The following PHF2 variants were observed in gnomAD, a reference collection of about 807,000 sequenced individuals.
PHF2 encodes PHD finger protein 2, also known as lysine-specific demethylase PHF2.
In PHF2, 27 loss-of-function variants were observed where a neutral mutation model predicts 120.5. The observed-to-expected ratio is 0.22, with a 90% CI of 0.17 to 0.31. The LOEUF (loss-of-function observed/expected upper bound fraction) is 0.31, where lower values mean the gene tolerates loss of function less well. Ranked by LOEUF, PHF2 falls within the 10% of genes least tolerant of loss-of-function variation. The probability of loss-of-function intolerance (pLI) is 1.00; values close to 1 mark genes in which losing one functional copy is unlikely to be tolerated. For synonymous variants in PHF2, 568 were observed against 592.5 expected (o/e 0.96, Z 0.60); for missense variants, 1,024 against 1,434.8 (o/e 0.71, Z 4.63).
Position 93,591,446 on chromosome 9 carries a change from G to A in PHF2, c.98+14575G>A, listed in dbSNP as rs1201587882. Among the ~76,000 whole-genome samples, 3 of 152,204 alleles carry A rather than the reference G, an allele frequency of 2.0e-5. No homozygotes were observed. In the East Asian group the frequency reaches 5.8e-4, roughly 29 times the overall value. ...CCTTGCTGCACGGGCACCTGCCTCTGCATACCATGTGAGTAGGACGTGTGG... is the reference window on the plus strand; with the variant it reads ...CCTTGCTGCACGGGCACCTGCCTCTACATACCATGTGAGTAGGACGTGTGG... On this transcript the variant is annotated intron_variant, in intron 1 of 21. Transcript: ENST00000359246.
intron 2 of PHF2, among the ~76,000 whole-genome samples, chr9:93,635,562 C>A (rs1231151781): frequency 6.6e-6 from 1 of 152,220 alleles, no homozygotes; most frequent in Non-Finnish European, 1.5e-5. Flanking sequence ...GAATACAAGG[C>A]TGGGAGCTAG....
Position 93,656,301 on chromosome 9 carries a change from T to C in PHF2, c.1041-188T>C, listed in dbSNP as rs1826458742. On this transcript the variant is annotated intron_variant, in intron 8 of 21. Transcript: ENST00000359246. The surrounding 1 kb of genome is among the most constrained non-coding windows in gnomAD (Gnocchi z 4.1). Reference sequence around the variant, plus strand: ...CTTAAAAGGCTGCTGCCTTCTCTTCTTGGGCACTGACAGAACTCTCATGGG... The same window carrying C: ...CTTAAAAGGCTGCTGCCTTCTCTTCCTGGGCACTGACAGAACTCTCATGGG... Among the ~76,000 whole-genome samples, 1 of 152,122 alleles carries C rather than the reference T, an allele frequency of 6.6e-6. No individual in the cohort carries two copies. The highest frequency in any genetic ancestry group is 1.5e-5 in the Non-Finnish European group (1 of 68,026).
At chr9:93,621,029 T>G (rs1050573929) in intron 1 of PHF2, among the ~76,000 whole-genome samples, 1 of 152,262 alleles carries the variant, frequency 6.6e-6, no homozygotes, top group Non-Finnish European at 1.5e-5. Flanking sequence ...AGAGCCAGGC[T>G]GAATGCCCTG....
chr9:93,588,876 G>A (rs976079753), intron 1 of PHF2, among the ~76,000 whole-genome samples: 1 of 152,208 alleles, frequency 6.6e-6, no homozygotes, highest in Non-Finnish European at 1.5e-5. Context: ...GGGCAACAGA[G>A]TGAGACTCTG....
In PHF2 at chr9:93,665,880, G is replaced by C; in HGVS notation, c.2116+16G>C. The stretch of plus-strand genomic sequence containing the variant: ...GACTTGTCCTGTGAGTTGGGAGGGG[G>C]TGTTGGGGGAGGGGTGTGGGAGAGG... On this transcript the variant is annotated intron_variant, in intron 15 of 21. Coordinates refer to ENST00000359246, the MANE Select transcript of PHF2 (RefSeq NM_005392.4). The C allele has an allele frequency of 1.9e-6, 3 of 1,611,450 alleles. No individual in the cohort carries two copies. The highest frequency in any genetic ancestry group is 2.5e-6 in the Non-Finnish European group (3 of 1,178,550).
chr9:93,667,234 C>G lies in PHF2; in HGVS notation c.2342C>G (p.Pro781Arg). The G allele has an allele frequency of 1.2e-6, 2 of 1,609,544 alleles. No individual in the cohort carries two copies. The highest frequency in any genetic ancestry group is 1.7e-6 in the Non-Finnish European group (2 of 1,178,562). The change falls in exon 17 of 22, where the codon CCC becomes CGC. Residue 781 changes from proline to arginine, a missense_variant. Transcript: ENST00000359246. Reference protein sequence around the residue: ...SEEVGALEYNPSSQPPASPST... With the variant: ...SEEVGALEYNRSSQPPASPST... ...GAGGTTGGCGCGCTGGAGTACAACCCCAGCAGGTGGGCCCCACCACCCGGC... is the reference window on the plus strand; with the variant it reads ...GAGGTTGGCGCGCTGGAGTACAACCGCAGCAGGTGGGCCCCACCACCCGGC...
Position 93,675,726 on chromosome 9 carries a change from G to C in PHF2, c.2769G>C (p.Glu923Asp). 2.5e-6 allele frequency: 4 copies of C among 1,613,310 alleles called. No homozygotes were observed. The highest frequency in any genetic ancestry group is 2.5e-6 in the Non-Finnish European group (3 of 1,179,928). Residue 923 changes from glutamate to aspartate, a missense_variant, in exon 20 of 22, where the codon GAG becomes GAC. By Grantham distance (45) the Glu-to-Asp change is conservative. Around this residue, in one of 2 missense-constraint regions of PHF2, gnomAD observed 677 missense variants for 857.4 expected, o/e 0.79. Coordinates refer to ENST00000359246, the MANE Select transcript of PHF2 (RefSeq NM_005392.4). ...SVPRQDRPVR[E>D]GTRVASIETG... Reference sequence around the variant, plus strand: ...CAAGACAGGACAGGCCTGTGCGTGAGGGTACACGGGTGGCTTCCATCGAGA... The same window carrying C: ...CAAGACAGGACAGGCCTGTGCGTGACGGTACACGGGTGGCTTCCATCGAGA...
intron 1 of PHF2, among the ~76,000 whole-genome samples, chr9:93,582,076 C>T (rs1334928208): frequency 6.6e-5 from 10 of 152,162 alleles, no homozygotes; most frequent in Admixed American, 3.3e-4. Flanking sequence ...TTGGTTCCCA[C>T]GTCGACTGCG....
At position 93,679,291 on chromosome 9, in the gene PHF2, G is replaced by T. The variant is rs943096996; in HGVS notation, c.*1615G>T. On this transcript the variant is annotated 3_prime_UTR_variant, in exon 22 of 22. Transcript: ENST00000359246. ...TAGGGCCCGAGACTGGGTGGGAGAG[G>T]GGGAGTCTCACGGGGCCCCAGGCTT... is the stretch of plus-strand genomic sequence containing the variant. The T allele has an allele frequency of 2.2e-6, 1 of 455,442 alleles. No homozygotes were observed. The highest frequency in any genetic ancestry group is 4.4e-6 in the Non-Finnish European group (1 of 226,862). The allele number at this position is 455,442 out of a possible 1,614,324, so 28.2% of individuals were successfully genotyped here.
chr9:93,676,470 C>T lies in PHF2; in HGVS notation c.2833-124C>T, dbSNP rs1315151647. On this transcript the variant is annotated intron_variant, in intron 20 of 21. Coordinates refer to ENST00000359246, the MANE Select transcript of PHF2 (RefSeq NM_005392.4). The stretch of plus-strand genomic sequence containing the variant: ...CCCCTGGCGGCCCAGAGTCAGGCCT[C>T]AGGCCCCTGCTGCCCAGCCCTGCTG... 4.1e-6 allele frequency: 5 copies of T among 1,215,092 alleles called. No homozygotes were observed. The Admixed American group carries it at 1.3e-4, about 31-fold the overall frequency. The allele number at this position is 1,215,092 out of a possible 1,614,324, so 75.3% of individuals were successfully genotyped here. A position where few individuals can be genotyped will look rare whatever the true frequency, so the allele number is the denominator to read the frequency against.
Position 93,656,129 on chromosome 9 carries a change from G to A in PHF2, c.1040+108G>A. ...CTGAGTCCTGGCACAGCCCGCCTGT[G>A]GGTGGCCTGGACATGACCGTCAGCC... On this transcript the variant is annotated intron_variant, in intron 8 of 21. Coordinates refer to ENST00000359246, the MANE Select transcript of PHF2 (RefSeq NM_005392.4). The surrounding 1 kb of genome is among the most constrained non-coding windows in gnomAD (Gnocchi z 4.1). 1.2e-6 allele frequency: 1 copy of A among 859,874 alleles called. No individual in the cohort carries two copies. The highest frequency in any genetic ancestry group is 1.9e-6 in the Non-Finnish European group (1 of 539,248). The allele number at this position is 859,874 out of a possible 1,614,324, so 53.3% of individuals were successfully genotyped here.
At chr9:93,675,915 AG>A (rs1447672745) in intron 20 of PHF2, 126 bp downstream of exon 20, 8 of 656,180 alleles carry the variant, frequency 1.2e-5, no homozygotes, top group Non-Finnish European at 1.6e-5. Flanking sequence ...GGGTGGTCAC[AG>A]GCTTGGGGAC....
intron 1 of PHF2, among the ~76,000 whole-genome samples, chr9:93,587,659 A>G (rs1564371982): frequency 6.6e-6 from 1 of 152,026 alleles, no homozygotes; most frequent in Non-Finnish European, 1.5e-5. Flanking sequence ...GTCTAACCCT[A>G]CCACCCTGCT....
At position 93,676,800 on chromosome 9, in the gene PHF2, G is replaced by A. The variant is rs766179536; in HGVS notation, c.3039G>A (p.Pro1013=). ...ASQEGSSPEP[P]PESHSSSLAD... Reference sequence around the variant, plus strand: ...AGGAGGGCAGCTCGCCAGAGCCCCCGCCTGAGTCGCATAGCAGCAGCCTGG... The same window carrying A: ...AGGAGGGCAGCTCGCCAGAGCCCCCACCTGAGTCGCATAGCAGCAGCCTGG... Residue 1013 remains proline, a synonymous_variant, in exon 21 of 22, where the codon CCG becomes CCA. Transcript: ENST00000359246. 1.9e-5 allele frequency: 30 copies of A among 1,553,132 alleles called. No individual in the cohort carries two copies. Among genetic ancestry groups the A allele is most frequent in the Middle Eastern group, 1.7e-4 (1 of 5,970 alleles).
rs1373230582 is a variant in PHF2, at chr9:93,674,849, C to T, written c.2627-78C>T. The T allele has an allele frequency of 3.5e-5, 35 of 996,612 alleles. No homozygotes were observed. The East Asian group carries it at 7.9e-4, about 22-fold the overall frequency. The allele number at this position is 996,612 out of a possible 1,614,324, so 61.7% of individuals were successfully genotyped here. ...GGTTGCTGGCGAGGAAGGTCTGCAG[C>T]CACCTGTACCCCCCCGCCCTCCTCC... On this transcript the variant is annotated intron_variant, in intron 18 of 21. Transcript: ENST00000359246.
rs557395774 is a variant in PHF2, at chr9:93,656,360, C to A, written c.1041-129C>A. ...TCTGCAGCCACCAGGGCAGTTTTCCCCTGGTCCTCCTCAGCTATGCAGGGC... is the reference window on the plus strand; with the variant it reads ...TCTGCAGCCACCAGGGCAGTTTTCCACTGGTCCTCCTCAGCTATGCAGGGC... On this transcript the variant is annotated intron_variant, in intron 8 of 21. Transcript: ENST00000359246. The surrounding 1 kb of genome is among the most constrained non-coding windows in gnomAD (Gnocchi z 4.1). The A allele has an allele frequency of 1.4e-6, 1 of 702,584 alleles. No individual in the cohort carries two copies. Among genetic ancestry groups the A allele is most frequent in the Non-Finnish European group, 2.5e-6 (1 of 406,374 alleles). 43.5% of individuals were successfully genotyped at this position (702,584 alleles called of 1,614,324 possible).
At position 93,621,984 on chromosome 9, in the gene PHF2, G is replaced by C. The variant is rs553360208; in HGVS notation, c.99-7986G>C. 2.1e-3 allele frequency among the ~76,000 whole-genome samples: 313 copies of C among 152,278 alleles called. 2 individuals carry two copies. Among genetic ancestry groups the C allele is most frequent in the Non-Finnish European group, 3.6e-3 (242 of 68,014 alleles). On this transcript the variant is annotated intron_variant, in intron 1 of 21. Coordinates refer to ENST00000359246, the MANE Select transcript of PHF2 (RefSeq NM_005392.4). ...TATTAAAAGGATGTTGTTCATTGGG[G>C]ACGTGCCCAACCACCTGGGGCATTT...
chr9:93,599,828 G>A (rs145448313), intron 1 of PHF2, among the ~76,000 whole-genome samples: 13 of 152,366 alleles, frequency 8.5e-5, no homozygotes, highest in African/African-American at 2.9e-4. Context: ...CACGCTCCCA[G>A]TTCCGTTGAT....
intron 1 of PHF2, among the ~76,000 whole-genome samples, chr9:93,623,523 A>G (rs1825857811): frequency 6.6e-6 from 1 of 152,138 alleles, no homozygotes; most frequent in African/African-American, 2.4e-5. Flanking sequence ...TTGGGCAGAC[A>G]CCCTTATAAA....
Sources: allele counts gnomAD v4.1 joint callset (sites outside exome capture counted in the v4.1 genomes callset), GRCh38; gene constraint gnomAD v4.1.1; regional missense constraint gnomAD v4.1.1; non-coding constraint Gnocchi (gnomAD v3.1); transcripts MANE v1.5; gene names NCBI Gene and HGNC (gene_info 2026-07-23, HGNC 2026-07-21).